The following PLA2G4E variants were observed in gnomAD, a reference collection of about 807,000 sequenced individuals.
PLA2G4E encodes cytosolic phospholipase A2 epsilon.
PLA2G4E carries 84 observed loss-of-function variants against 109.1 expected under a neutral mutation model. The ratio of observed to expected loss-of-function variants is 0.77; its 90% CI spans 0.65 to 0.92. PLA2G4E has a LOEUF of 0.92. PLA2G4E is among the 40% of genes least tolerant of loss of function. PLA2G4E has a pLI of 0.00. For missense variants in PLA2G4E, 1,057 were observed against 1,076.6 expected (o/e 0.98, Z 0.25); for synonymous variants, 469 against 436.1 (o/e 1.08, Z -0.94).
At chr15:42,045,343 C>T (rs1319634532) in intron 1 of PLA2G4E, among the ~76,000 whole-genome samples, 3 of 152,110 alleles carry the variant, frequency 2.0e-5, no homozygotes, top group African/African-American at 7.2e-5. Flanking sequence ...GAGTGTGAAA[C>T]CGGGAGGATG....
chr15:42,049,705 C>T (rs1889474757), intron 1 of PLA2G4E, among the ~76,000 whole-genome samples: 2 of 152,158 alleles, frequency 1.3e-5, no homozygotes, highest in Admixed American at 1.3e-4. Context: ...CCAGTTCTCC[C>T]TGTAAGCCAG....
intron 11 of PLA2G4E, among the ~76,000 whole-genome samples, chr15:41,996,604 G>T (rs1310252978): frequency 2.0e-5 from 3 of 152,218 alleles, no homozygotes; most frequent in African/African-American, 4.8e-5. Flanking sequence ...GCAACAGAGG[G>T]CTGTGACAGA....
chr15:41,989,153 C>T (rs994384081), intron 15 of PLA2G4E, among the ~76,000 whole-genome samples: 2 of 152,126 alleles, frequency 1.3e-5, no homozygotes, highest in Non-Finnish European at 1.5e-5. Flanking sequence ...CGAAGCTAGA[C>T]GGGAGTGGGT....
chr15:42,028,384 CTTAT>C (rs59541409), intron 1 of PLA2G4E, among the ~76,000 whole-genome samples: 223 of 25,764 alleles, frequency 8.7e-3, no homozygotes, highest in Non-Finnish European at 0.013. Context: ...TATTTATTTA[CTTAT>C]TTATTTATTT....
intron 2 of PLA2G4E, chr15:42,009,169 A>G (rs1337127132): frequency 6.6e-6 from 1 of 152,204 alleles, no homozygotes; most frequent in Non-Finnish European, 1.5e-5. Flanking sequence ...GACAAAAAGA[A>G]TGATTGAAAC....
In PLA2G4E at chr15:42,010,138, C is replaced by CCCCG. The variant is rs745521251; in HGVS notation, c.257-2274_257-2273insCGGG. On this transcript the variant is annotated intron_variant, in intron 2 of 19. Coordinates refer to ENST00000399518, the Ensembl canonical transcript of PLA2G4E. ...TGGCTTTTCCAGAACACTGGCCCCC[C>CCCCG]CACCCCGGGCCTGGACCACACCCTT... 18 of 477,208 alleles carry CCCCG rather than the reference C, an allele frequency of 3.8e-5. No homozygotes were observed. The Middle Eastern group carries it at 1.1e-3, about 29-fold the overall frequency. The allele number at this position is 477,208 out of a possible 1,614,324, so 29.6% of individuals were successfully genotyped here.
intron 1 of PLA2G4E, among the ~76,000 whole-genome samples, chr15:42,029,502 C>G (rs1003059854): frequency 6.6e-6 from 1 of 152,206 alleles, no homozygotes; most frequent in African/African-American, 2.4e-5. Flanking sequence ...TTTCCCTGCT[C>G]TGTACTCTCT....
intron 1 of PLA2G4E, among the ~76,000 whole-genome samples, chr15:42,019,538 G>A (rs1372230533): frequency 6.6e-6 from 1 of 152,174 alleles, no homozygotes; most frequent in African/African-American, 2.4e-5. Context: ...CTCAGGTCAG[G>A]CCAGGCAGGT....
chr15:41,981,646 C>T lies in PLA2G4E; in HGVS notation c.*2108G>A, dbSNP rs575966762. Reference sequence around the variant, plus strand: ...TGATGATTTTATAAACCTCGTTTCACAAACTTTTGATGAATCCAAGGCATG... The same window carrying T: ...TGATGATTTTATAAACCTCGTTTCATAAACTTTTGATGAATCCAAGGCATG... On this transcript the variant is annotated 3_prime_UTR_variant, in exon 20 of 20. Transcript: ENST00000399518. 3.3e-5 allele frequency: 5 copies of T among 152,366 alleles called. No homozygotes were observed. In the East Asian group the frequency reaches 7.7e-4, roughly 23 times the overall value. 9.4% of individuals were successfully genotyped at this position (152,366 alleles called of 1,614,324 possible). A position where few individuals can be genotyped will look rare whatever the true frequency, so the allele number is the denominator to read the frequency against.
intron 2 of PLA2G4E, among the ~76,000 whole-genome samples, chr15:42,008,191 G>C (rs914582517): frequency 6.6e-6 from 1 of 152,230 alleles, no homozygotes; most frequent in South Asian, 2.1e-4. Flanking sequence ...CTCTGCCAAG[G>C]TAAGATCTGG....
chr15:42,013,624 CA>C, intron 2 of PLA2G4E, 60 bp downstream of exon 2: 1 of 1,483,180 alleles, frequency 6.7e-7, no homozygotes. Flanking sequence ...TTTCTCCAGC[CA>C]GGGCCTCTTC....
At chr15:42,006,649 A>C (rs1344063398) in intron 3 of PLA2G4E, among the ~76,000 whole-genome samples, 1 of 152,214 alleles carries the variant, frequency 6.6e-6, no homozygotes, top group Non-Finnish European at 1.5e-5. Flanking sequence ...ATCAGCCCCT[A>C]GTAAGTTCTC....
At chr15:42,004,305 A>G (rs535921293) in intron 5 of PLA2G4E, among the ~76,000 whole-genome samples, 22 of 149,276 alleles carry the variant, frequency 1.5e-4, no homozygotes, top group African/African-American at 5.5e-4. Context: ...AAAGAAAGAA[A>G]GAAAGGAAAG....
At chr15:42,022,070 T>C (rs948124945) in intron 1 of PLA2G4E, among the ~76,000 whole-genome samples, 2 of 151,682 alleles carry the variant, frequency 1.3e-5, no homozygotes, top group Non-Finnish European at 2.9e-5. Context: ...CATCCCTCAG[T>C]AAACTCCACA....
At chr15:41,982,081 G>T (rs914020546) in exon 20 of PLA2G4E, 1 of 152,290 alleles carries the variant, frequency 6.6e-6, no homozygotes, top group East Asian at 1.9e-4. Flanking sequence ...ACTTTGAGTA[G>T]CAAGGATGTA....
chr15:41,989,805 G>A (rs946236102), intron 14 of PLA2G4E, among the ~76,000 whole-genome samples: 1 of 152,216 alleles, frequency 6.6e-6, no homozygotes, highest in Non-Finnish European at 1.5e-5. Flanking sequence ...GACAAAAACT[G>A]ACCCTGAAGC....
chr15:41,983,985 C>A lies in PLA2G4E; in HGVS notation c.2387-11G>T. On this transcript the variant is annotated splice_polypyrimidine_tract_variant and intron_variant, in intron 19 of 19. Coordinates refer to ENST00000399518, the Ensembl canonical transcript of PLA2G4E. ...GGCTTCGCTCTACACCTGTGGGCAG[C>A]AGGATGACTTGTTATAGACTCTGTC... The A allele has an allele frequency of 6.3e-7, 1 of 1,591,560 alleles. No homozygotes were observed. Among genetic ancestry groups the A allele is most frequent in the Non-Finnish European group, 8.6e-7 (1 of 1,167,838 alleles).
chr15:42,026,876 G>A (rs979124226), intron 1 of PLA2G4E, among the ~76,000 whole-genome samples: 1 of 151,926 alleles, frequency 6.6e-6, no homozygotes, highest in South Asian at 2.1e-4. Flanking sequence ...AGGAGGCTGA[G>A]GTAAAAGAAC....
chr15:41,992,838 G>A (rs771625064), exon 13 of PLA2G4E: 16 of 1,613,864 alleles, frequency 9.9e-6, no homozygotes, highest in East Asian at 6.7e-5. Context: ...TGGAATTTGC[G>A]GAGCTGGTCT....
Sources: allele counts gnomAD v4.1 joint callset (sites outside exome capture counted in the v4.1 genomes callset), GRCh38; gene constraint gnomAD v4.1.1; transcripts MANE v1.5; gene names NCBI Gene and HGNC (gene_info 2026-07-23, HGNC 2026-07-21).